The following NMT2 variants were observed in gnomAD, a reference collection of about 807,000 sequenced individuals.
The protein encoded by NMT2 is glycylpeptide N-tetradecanoyltransferase 2.
In NMT2, 35 loss-of-function variants were observed where a neutral mutation model predicts 65.4. The ratio of observed to expected loss-of-function variants is 0.54; its 90% CI spans 0.41 to 0.71. The LOEUF (loss-of-function observed/expected upper bound fraction) is 0.71, where lower values mean the gene tolerates loss of function less well. Among genes scored for constraint, NMT2 ranks in the 30% least tolerant of loss-of-function variants. The pLI is 0.00. For synonymous variants in NMT2, 226 were observed against 231.8 expected, an observed-to-expected ratio of 0.98 and a Z score of 0.23; for missense variants, 489 against 611.3, an observed-to-expected ratio of 0.80 and a Z score of 2.11.
chr10:15,109,868 A>T, intron 10 of NMT2, 29 bp from the exon 11 acceptor site: 1 of 1,572,154 alleles, frequency 6.4e-7, no homozygotes, highest in Non-Finnish European at 8.7e-7. Context: ...TTTAAAATTT[A>T]AAACAAAGGA....
At chr10:15,130,085 T>G in intron 7 of NMT2, 57 bp downstream of exon 7, 155 of 1,302,766 alleles carry the variant, frequency 1.2e-4, no homozygotes, top group Middle Eastern at 2.0e-4. Context: ...AGAACAGTGG[T>G]GAGGCTCAAC....
At chr10:15,113,366 A>G (rs1449814039) in intron 9 of NMT2, among the ~76,000 whole-genome samples, 1 of 142,040 alleles carries the variant, frequency 7.0e-6, no homozygotes, top group East Asian at 2.3e-4. Context: ...GCTACTTGGG[A>G]GGCTGAGGCT....
At chr10:15,140,495 CCTTTTCTTT>C (rs888306751) in intron 2 of NMT2, among the ~76,000 whole-genome samples, 6 of 151,802 alleles carry the variant, frequency 4.0e-5, no homozygotes, top group East Asian at 1.9e-4. Context: ...TAATTCTACC[CCTTTTCTTT>C]CTTTTCTTTC....
At chr10:15,113,014 C>A in intron 9 of NMT2, 51 bp from the exon 10 acceptor site, 3 of 1,530,356 alleles carry the variant, frequency 2.0e-6, no homozygotes, top group Non-Finnish European at 1.8e-6. Context: ...CAACTGCATA[C>A]GTGCATTTCC....
At chr10:15,121,587 G>A (rs915885894) in intron 8 of NMT2, among the ~76,000 whole-genome samples, 2 of 152,166 alleles carry the variant, frequency 1.3e-5, no homozygotes, top group South Asian at 2.1e-4. Flanking sequence ...GGCTGGTCTC[G>A]AATGCCTGAC....
intron 1 of NMT2, among the ~76,000 whole-genome samples, chr10:15,154,276 C>G (rs1472626947): frequency 6.6e-6 from 1 of 152,208 alleles, no homozygotes; most frequent in African/African-American, 2.4e-5. Context: ...CCACTGGCAG[C>G]CTTGGCCATG....
At chr10:15,113,040 T>C in intron 9 of NMT2, 77 bp from the exon 10 acceptor site, 2 of 1,434,098 alleles carry the variant, frequency 1.4e-6, no homozygotes, top group African/African-American at 1.4e-5. Context: ...CTCTGTTCTC[T>C]CCCTTGCCCC....
intron 9 of NMT2, among the ~76,000 whole-genome samples, chr10:15,118,408 G>A (rs12359518): frequency 0.074 from 11,269 of 152,138 alleles, 679 homozygotes; most frequent in African/African-American, 0.17. Context: ...GCATGGTGGC[G>A]CACGCCTGTA....
intron 6 of NMT2, 132 bp from the exon 7 acceptor site, chr10:15,130,444 C>T (rs892655539): frequency 9.8e-6 from 7 of 715,628 alleles, no homozygotes; most frequent in South Asian, 8.0e-5. Flanking sequence ...CACTGGCTGT[C>T]GCCTGTAATC....
intron 1 of NMT2, among the ~76,000 whole-genome samples, chr10:15,159,948 C>T (rs1463697699): frequency 6.6e-6 from 1 of 152,180 alleles, no homozygotes; most frequent in Non-Finnish European, 1.5e-5. Context: ...TCACTAAGAG[C>T]TACAGGGCTT....
chr10:15,107,108 TAAAAAA>T lies in NMT2; in HGVS notation c.*2081_*2086del, dbSNP rs59625068. Among the ~76,000 whole-genome samples the T allele has an allele frequency of 7.5e-6, 1 of 133,752 alleles. No homozygotes were observed. The highest frequency in any genetic ancestry group is 1.6e-5 in the Non-Finnish European group (1 of 62,678). The allele number at this position is 133,752 out of a possible 152,430, so 87.7% of individuals were successfully genotyped here. A position where few individuals can be genotyped will look rare whatever the true frequency, so the allele number is the denominator to read the frequency against. ...TGGACAATAGAGTGAGACCCTGTCCTAAAAAAAAAAAAAAAAAAAGTATGGCTATGT... is the reference window on the plus strand; with the variant it reads ...TGGACAATAGAGTGAGACCCTGTCCTAAAAAAAAAAAAAGTATGGCTATGT... On this transcript the variant is annotated 3_prime_UTR_variant, in exon 12 of 12. Coordinates refer to ENST00000378165, the MANE Select transcript of NMT2 (RefSeq NM_004808.3).
At chr10:15,136,449 G>A (rs1846508714) in intron 2 of NMT2, among the ~76,000 whole-genome samples, 1 of 138,190 alleles carries the variant, frequency 7.2e-6, no homozygotes, top group South Asian at 2.6e-4. Context: ...GGGACAGGGG[G>A]AGGAGGGAGG....
intron 8 of NMT2, among the ~76,000 whole-genome samples, chr10:15,125,322 G>A (rs1488947531): frequency 1.3e-5 from 2 of 152,226 alleles, no homozygotes; most frequent in African/African-American, 4.8e-5. Flanking sequence ...GAAGTAAGAT[G>A]CCACAGTCTG....
At position 15,108,968 on chromosome 10, in the gene NMT2, C is replaced by T; in HGVS notation, c.*227G>A. 1.5e-6 allele frequency: 2 copies of T among 1,304,480 alleles called. No homozygotes were observed. The highest frequency in any genetic ancestry group is 1.9e-6 in the Non-Finnish European group (2 of 1,029,772). The allele number at this position is 1,304,480 out of a possible 1,614,324, so 80.8% of individuals were successfully genotyped here. A position where few individuals can be genotyped will look rare whatever the true frequency, so the allele number is the denominator to read the frequency against. On this transcript the variant is annotated 3_prime_UTR_variant, in exon 12 of 12. Transcript: ENST00000378165. ...AATTACAAGAATGTGCTCTTTGTAG[C>T]CTTTCATCCCTCCCACAAATAGGTC... is the stretch of plus-strand genomic sequence containing the variant.
At chr10:15,165,759 T>C (rs930729968) in intron 1 of NMT2, among the ~76,000 whole-genome samples, 1 of 151,656 alleles carries the variant, frequency 6.6e-6, no homozygotes, top group African/African-American at 2.4e-5. Flanking sequence ...GCGCCTGTAA[T>C]CCCAGCTACT....
Position 15,113,747 on chromosome 10 carries a change from G to A in NMT2, c.1171-784C>T, listed in dbSNP as rs768453278. On this transcript the variant is annotated intron_variant, in intron 9 of 11. Coordinates refer to ENST00000378165, the MANE Select transcript of NMT2 (RefSeq NM_004808.3). ...GTCTGGAAGCTGTTTGGAAGAGTTC[G>A]CAAGCTTGTGAAAGGTCTTACTACT... 2.5e-4 allele frequency among the ~76,000 whole-genome samples: 38 copies of A among 152,262 alleles called. 1 individual carries two copies. Among genetic ancestry groups the A allele is most frequent in the Middle Eastern group, 6.8e-3 (2 of 294 alleles).
Position 15,121,153 on chromosome 10 carries a change from T to C in NMT2, c.1000-1640A>G, listed in dbSNP as rs182324812. On this transcript the variant is annotated intron_variant, in intron 8 of 11. Transcript: ENST00000378165. ...TTATTTTTTTCTGTAAACCTGATTT[T>C]TCCCCCCCTTGGAGAAACACTAGAT... is the stretch of plus-strand genomic sequence containing the variant. Among the ~76,000 whole-genome samples, 347 of 152,314 alleles carry C rather than the reference T, an allele frequency of 2.3e-3. 1 individual carries two copies. The highest frequency in any genetic ancestry group is 7.8e-3 in the African/African-American group (323 of 41,560).
intron 2 of NMT2, 162 bp downstream of exon 2, chr10:15,141,260 G>T: frequency 2.0e-6 from 2 of 980,084 alleles, no homozygotes; most frequent in Non-Finnish European, 3.0e-6. Flanking sequence ...GGGTGCCAAA[G>T]TCCATTTTAA....
Position 15,168,561 on chromosome 10 carries a change from C to A in NMT2, c.52G>T (p.Asp18Tyr). 1 of 1,593,722 alleles carries A rather than the reference C, an allele frequency of 6.3e-7. No homozygotes were observed. The highest frequency in any genetic ancestry group is 8.5e-7 in the Non-Finnish European group (1 of 1,172,820). ...CCGTCTATCCCGCACGTGTCCTGGT[C>A]GTCCAGTTCCAGGCTCTGCTGGCTG... ...AASQQSLELD[D>Y]QDTCGIDGDN... The change falls in exon 1 of 12, where the codon GAC (aspartate) becomes TAC (tyrosine). Residue 18 changes from aspartate (D) to tyrosine (Y), a missense_variant. Transcript: ENST00000378165.
Sources: allele counts gnomAD v4.1 joint callset (sites outside exome capture counted in the v4.1 genomes callset), GRCh38; gene constraint gnomAD v4.1.1; transcripts MANE v1.5; gene names NCBI Gene and HGNC (gene_info 2026-07-23, HGNC 2026-07-21).